Variants in PRDX1 observed in about 807,000 individuals in gnomAD.
The protein encoded by PRDX1 is peroxiredoxin-1.
PRDX1 carries 19 observed loss-of-function variants against 20.7 expected under a neutral mutation model. The ratio of observed to expected loss-of-function variants is 0.92; its 90% confidence interval spans 0.64 to 1.35. The LOEUF (loss-of-function observed/expected upper bound fraction) is 1.35. Ranked by LOEUF, PRDX1 falls within the 40% of genes most tolerant of loss-of-function variation. The pLI is 0.00. For synonymous variants in PRDX1, 89 were observed against 83.9 expected (o/e 1.06, Z -0.33); for missense variants, 226 against 240.0 (o/e 0.94, Z 0.38).
intron 1 of PRDX1, among the ~76,000 whole-genome samples, chr1:45,519,566 A>G (rs1446668694): frequency 1.3e-5 from 2 of 152,188 alleles, no homozygotes; most frequent in Non-Finnish European, 2.9e-5. Flanking sequence ...CACACAACCT[A>G]TAACTAATTC....
chr1:45,519,811 T>C (rs1464717342), intron 1 of PRDX1, among the ~76,000 whole-genome samples: 1 of 152,174 alleles, frequency 6.6e-6, no homozygotes, highest in African/African-American at 2.4e-5. Flanking sequence ...TTGGTCAGGC[T>C]AGTCTCAAAC....
At chr1:45,512,087 T>C (rs1643761558) in intron 5 of PRDX1, 1 of 141,266 alleles carries the variant, frequency 7.1e-6, no homozygotes, top group Admixed American at 7.2e-5. Flanking sequence ...TTTTTTTTTT[T>C]TTTTTTTTTG....
intron 3 of PRDX1, 106 bp from the exon 4 acceptor site, chr1:45,515,101 GTT>G: frequency 6.7e-7 from 1 of 1,485,728 alleles, no homozygotes; most frequent in Non-Finnish European, 9.1e-7. Flanking sequence ...CAAAAAGACT[GTT>G]TTTTTTCCGT....
chr1:45,519,248 C>A (rs936272613), intron 1 of PRDX1, among the ~76,000 whole-genome samples, 194 bp from the exon 2 acceptor site: 1 of 152,192 alleles, frequency 6.6e-6, no homozygotes, highest in African/African-American at 2.4e-5. Flanking sequence ...ACTTTTGGAA[C>A]GAAACAAGTC....
rs955486369 is a variant in PRDX1 at position 45,514,683 on chromosome 1, G to A, written c.384-46C>T. ...AAAAGCAATACAGGTTTAGAGATGT[G>A]CTTTGTTAGAATACAGAGGCTTGAA... On this transcript the variant is annotated intron_variant, in intron 4 of 5. Transcript: ENST00000319248. The A allele has an allele frequency of 1.8e-5, 29 of 1,609,134 alleles. 1 individual carries two copies. The Middle Eastern group carries it at 4.9e-4, about 27-fold the overall frequency.
At chr1:45,521,058 G>A (rs1240590775) in intron 1 of PRDX1, among the ~76,000 whole-genome samples, 1 of 152,090 alleles carries the variant, frequency 6.6e-6, no homozygotes, top group Non-Finnish European at 1.5e-5. Flanking sequence ...CACCTTTAAC[G>A]ACAAAAAACA....
intron 4 of PRDX1, 44 bp downstream of exon 4, chr1:45,514,829 A>G (rs780821646): frequency 1.2e-5 from 20 of 1,611,936 alleles, no homozygotes; most frequent in African/African-American, 2.7e-5. Context: ...ATCTCTCCAA[A>G]TAAAAGGCTT....
At chr1:45,514,396 C>G (rs1643819096) in intron 5 of PRDX1, 111 bp downstream of exon 5, 1 of 1,369,276 alleles carries the variant, frequency 7.3e-7, no homozygotes, top group Admixed American at 2.0e-5. Context: ...GTCTACGTGT[C>G]TTTTTCCAAG....
Position 45,518,988 on chromosome 1 carries a change from G to C in PRDX1, c.56C>G (p.Ala19Gly), listed in dbSNP as rs768707295. ...TTTAAACTGACCATCTGGCATAACA[G>C]CTGTGGCTTTGAAGTTGGGGGCAGG... ...GHPAPNFKAT[A>G]VMPDGQFKDI... The change falls in exon 2 of 6, where the codon GCT becomes GGT. Residue 19 changes from alanine (A) to glycine (G), a missense_variant. Physicochemically the swap from Ala to Gly is moderately conservative, Grantham distance 60. Transcript: ENST00000319248. The C allele has an allele frequency of 6.2e-7, 1 of 1,604,726 alleles. No homozygotes were observed.
At chr1:45,522,012 CG>C (rs1278354025), upstream of PRDX1, 1 of 152,368 alleles carries the variant, frequency 6.6e-6, no homozygotes, top group Non-Finnish European at 1.5e-5. Context: ...CGCGCCCCGC[CG>C]GAATGACTCG....
rs1039526380 is a variant in PRDX1, at chr1:45,515,657, G to T, written c.257C>A (p.Ala86Glu). 7 of 1,568,898 alleles carry T rather than the reference G, an allele frequency of 4.5e-6. No homozygotes were observed. Among genetic ancestry groups the T allele is most frequent in the Non-Finnish European group, 6.0e-6 (7 of 1,160,538 alleles). The change falls in exon 3 of 6, where the codon GCA becomes GAA. Residue 86 changes from alanine (A) to glutamate (E), a missense_variant. By Grantham distance (107) the Ala-to-Glu change is moderately radical. Coordinates refer to ENST00000319248, the MANE Select transcript of PRDX1 (RefSeq NM_181697.3). ...ASVDSHFCHL[A>E]WVNTPKKQGG... ...CCAAATAGACCAAGAGATTTACCAT[G>T]CTAGATGACAGAAGTGAGAATCCAC... is the stretch of plus-strand genomic sequence containing the variant.
intron 2 of PRDX1, among the ~76,000 whole-genome samples, chr1:45,517,524 G>A (rs1643871808): frequency 6.6e-6 from 1 of 152,208 alleles, no homozygotes; most frequent in Non-Finnish European, 1.5e-5. Flanking sequence ...GCTCACGCCT[G>A]TAATCCCAGA....
chr1:45,519,598 T>C (rs1446174255), intron 1 of PRDX1, among the ~76,000 whole-genome samples: 1 of 152,144 alleles, frequency 6.6e-6, no homozygotes, highest in Admixed American at 6.5e-5. Context: ...TTTGTTTTTG[T>C]TTTGTTTTGT....
intron 5 of PRDX1, among the ~76,000 whole-genome samples, chr1:45,513,748 G>A (rs7412911): frequency 0.065 from 9,839 of 152,214 alleles, 1,030 homozygotes; most frequent in African/African-American, 0.22. Flanking sequence ...CAGCATGCTC[G>A]TTTTAAGAGT....
upstream of PRDX1, among the ~76,000 whole-genome samples, chr1:45,522,588 T>C (rs980515234): frequency 6.6e-6 from 1 of 152,140 alleles, no homozygotes; most frequent in Non-Finnish European, 1.5e-5. Flanking sequence ...CATTTCCTGA[T>C]GACTACCCCC....
chr1:45,516,502 A>T (rs1236470577), intron 2 of PRDX1, among the ~76,000 whole-genome samples: 4 of 152,122 alleles, frequency 2.6e-5, no homozygotes, highest in African/African-American at 9.7e-5. Flanking sequence ...AGAGAGAGAG[A>T]AAGAGGGAGA....
intron 2 of PRDX1, among the ~76,000 whole-genome samples, chr1:45,516,851 T>C (rs1643866007): frequency 6.6e-6 from 1 of 151,558 alleles, no homozygotes; most frequent in Non-Finnish European, 1.5e-5. Context: ...GTAAAACATG[T>C]CTCTACTAAA....
chr1:45,511,183 C>T lies in PRDX1; in HGVS notation c.*146G>A, dbSNP rs11544922. The T allele has an allele frequency of 1.5e-6, 1 of 681,300 alleles. No individual in the cohort carries two copies. The highest frequency in any genetic ancestry group is 2.6e-5 in the Admixed American group (1 of 38,346). The allele number at this position is 681,300 out of a possible 1,614,324, so 42.2% of individuals were successfully genotyped here. A position where few individuals can be genotyped will look rare whatever the true frequency, so the allele number is the denominator to read the frequency against. The stretch of plus-strand genomic sequence containing the variant: ...AAAGGAAGAAAGGCTGGTCTCTCCA[C>T]CCCCTGTAGGAAAGGCCTGCCTTGT... On this transcript the variant is annotated 3_prime_UTR_variant, in exon 6 of 6. Transcript: ENST00000319248.
intron 1 of PRDX1, among the ~76,000 whole-genome samples, chr1:45,520,461 G>A (rs1206579084): frequency 6.6e-6 from 1 of 151,872 alleles, no homozygotes; most frequent in African/African-American, 2.4e-5. Flanking sequence ...TGTGGCTCAA[G>A]CCTGTAATCC....
Sources: gnomAD v4.1 joint callset for allele counts (sites outside exome capture counted in the v4.1 genomes callset) on GRCh38, gnomAD v4.1.1 for gene constraint, MANE v1.5 for transcripts, NCBI Gene and HGNC (gene_info 2026-07-23, HGNC 2026-07-21) for gene names.